The following RC3H2 variants were observed in gnomAD, a reference collection of about 807,000 sequenced individuals.
The protein encoded by RC3H2 is roquin-2.
RC3H2 carries 31 observed loss-of-function variants against 133.3 expected under a neutral mutation model. The observed-to-expected ratio is 0.23, with a 90% CI of 0.17 to 0.31. RC3H2 has a LOEUF of 0.31. RC3H2 is among the 10% of genes least tolerant of loss of function. The probability of loss-of-function intolerance (pLI) is 1.00; values close to 1 mark genes in which losing one functional copy is unlikely to be tolerated. For missense variants in RC3H2, 1,175 were observed against 1,437.2 expected (o/e 0.82, Z 2.95); for synonymous variants, 517 against 502.2 (o/e 1.03, Z -0.40).
intron 9 of RC3H2, among the ~76,000 whole-genome samples, chr9:122,869,423 T>C (rs1276835039): frequency 1.3e-5 from 2 of 152,142 alleles, no homozygotes; most frequent in Non-Finnish European, 2.9e-5. Flanking sequence ...ATTCAGTCCT[T>C]CTCTTCTCCT....
chr9:122,879,937 G>A lies in RC3H2; in HGVS notation c.1093+56C>T, dbSNP rs1831538126. 7 of 1,611,062 alleles carry A rather than the reference G, an allele frequency of 4.3e-6. No individual in the cohort carries two copies. In the East Asian group the frequency reaches 1.1e-4, roughly 26 times the overall value. On this transcript the variant is annotated intron_variant, in intron 7 of 20. Transcript: ENST00000357244. ...AGAATGTTAGCAGTAATTCTCTTGT[G>A]TTATTCACCTCAAAAGTAGAAAAAA...
rs765370546 is a variant in RC3H2 at position 122,858,888 on chromosome 9, A to C, written c.2064T>G (p.Ser688=). 9 of 1,614,282 alleles carry C rather than the reference A, an allele frequency of 5.6e-6. No individual in the cohort carries two copies. Among genetic ancestry groups the C allele is most frequent in the Non-Finnish European group, 6.8e-6 (8 of 1,180,050 alleles). The change falls in exon 12 of 21, where the codon TCT becomes TCG. Residue 688 remains serine (S), a synonymous_variant. Coordinates refer to ENST00000357244, the MANE Select transcript of RC3H2 (RefSeq NM_001100588.3). ...QPYGPVPPVP[S]GMYAPVYDSR... ...TGTCGTACACAGGAGCATACATTCCAGAAGGTACTGGAGGAACTGGTCCAT... is the reference window on the plus strand; with the variant it reads ...TGTCGTACACAGGAGCATACATTCCCGAAGGTACTGGAGGAACTGGTCCAT...
chr9:122,860,696 C>G (rs1346138421), intron 10 of RC3H2, among the ~76,000 whole-genome samples: 1 of 151,840 alleles, frequency 6.6e-6, no homozygotes, highest in Non-Finnish European at 1.5e-5. Flanking sequence ...TTACAGGCAT[C>G]AGCCACCGTG....
At position 122,877,362 on chromosome 9, in the gene RC3H2, AG is replaced by A. The variant is rs1230950182; in HGVS notation, c.1325+108del. ...ACTACAGGCATGAGCTATGGTGCCCAGCCCTTAACTTGCATTTTTGAAAGTC... is the reference window on the plus strand; with the variant it reads ...ACTACAGGCATGAGCTATGGTGCCCACCCTTAACTTGCATTTTTGAAAGTC... On this transcript the variant is annotated intron_variant, in intron 9 of 20. Coordinates refer to ENST00000357244, the MANE Select transcript of RC3H2 (RefSeq NM_001100588.3). 17 of 815,438 alleles carry A rather than the reference AG, an allele frequency of 2.1e-5. No homozygotes were observed. The East Asian group carries it at 3.9e-4, about 19-fold the overall frequency. The allele number at this position is 815,438 out of a possible 1,614,324, so 50.5% of individuals were successfully genotyped here.
chr9:122,861,289 G>A (rs544113343), intron 10 of RC3H2, among the ~76,000 whole-genome samples: 8 of 151,844 alleles, frequency 5.3e-5, no homozygotes, highest in Non-Finnish European at 8.8e-5. Context: ...TTGGGAGTTC[G>A]CGACCAGCCT....
At chr9:122,886,904 G>A (rs930601443) in intron 4 of RC3H2, among the ~76,000 whole-genome samples, 1 of 152,198 alleles carries the variant, frequency 6.6e-6, no homozygotes, top group African/African-American at 2.4e-5. Context: ...CAAAAGAGAT[G>A]TGACACCTAG....
rs916512222 is a variant in RC3H2 at position 122,877,390 on chromosome 9, T to A, written c.1325+81A>T. ...CCTTAACTTGCATTTTTGAAAGTCATCACAAACTTCAGGACTGTATATAAC... is the reference window on the plus strand; with the variant it reads ...CCTTAACTTGCATTTTTGAAAGTCAACACAAACTTCAGGACTGTATATAAC... On this transcript the variant is annotated intron_variant, in intron 9 of 20. Coordinates refer to ENST00000357244, the MANE Select transcript of RC3H2 (RefSeq NM_001100588.3). 2.4e-5 allele frequency: 26 copies of A among 1,104,856 alleles called. 1 individual carries two copies. The South Asian group carries it at 3.2e-4, about 14-fold the overall frequency. 68.4% of individuals were successfully genotyped at this position (1,104,856 alleles called of 1,614,324 possible).
chr9:122,891,545 C>A (rs1482206284), intron 3 of RC3H2, among the ~76,000 whole-genome samples: 2 of 152,178 alleles, frequency 1.3e-5, no homozygotes, highest in Non-Finnish European at 2.9e-5. Context: ...TTAGTTAATT[C>A]TTAGTTCCTT....
In RC3H2 at chr9:122,848,473, A is replaced by G. The variant is rs551996997; in HGVS notation, c.*1154T>C. The G allele has an allele frequency of 1.3e-5, 2 of 152,316 alleles. No homozygotes were observed. Among genetic ancestry groups the G allele is most frequent in the Non-Finnish European group, 2.9e-5 (2 of 68,012 alleles). The allele number at this position is 152,316 out of a possible 1,614,324, so 9.4% of individuals were successfully genotyped here. A position where few individuals can be genotyped will look rare whatever the true frequency, so the allele number is the denominator to read the frequency against. On this transcript the variant is annotated 3_prime_UTR_variant, in exon 21 of 21. Coordinates refer to ENST00000357244, the MANE Select transcript of RC3H2 (RefSeq NM_001100588.3). Reference sequence around the variant, plus strand: ...AAACCATTTCAGTCACATTTTAGCAAGGCAGAAATTATTCATGTTCTTAAG... The same window carrying G: ...AAACCATTTCAGTCACATTTTAGCAGGGCAGAAATTATTCATGTTCTTAAG...
At position 122,858,101 on chromosome 9, in the gene RC3H2, G is replaced by C. The variant is rs939046647; in HGVS notation, c.2284-8C>G. The C allele has an allele frequency of 6.2e-7, 1 of 1,612,522 alleles. No individual in the cohort carries two copies. Among genetic ancestry groups the C allele is most frequent in the South Asian group, 1.1e-5 (1 of 90,820 alleles). ...CAAATGACCACAAGGTTCCTAATGG[G>C]GGATAAAAGAAACAATCTTAATCAT... On this transcript the variant is annotated splice_region_variant and splice_polypyrimidine_tract_variant and intron_variant, in intron 12 of 20. Transcript: ENST00000357244.
intron 5 of RC3H2, 100 bp from the exon 6 acceptor site, chr9:122,880,894 A>G (rs972597998): frequency 3.9e-6 from 3 of 771,658 alleles, no homozygotes; most frequent in Non-Finnish European, 6.6e-6. Flanking sequence ...ATACTTACAT[A>G]TCAGACACCA....
rs776310057 is a variant in RC3H2, at chr9:122,858,815, T to G, written c.2137A>C (p.Arg713=). ...TCCATTGGAGGTAAAGAATTGCTTC[T>G]AATAATGTCATCTCGTTGGTACATA... ...PPMYQRDDII[R]SNSLPPMDVM... The change falls in exon 12 of 21, where the codon AGA becomes CGA. Residue 713 remains arginine, a synonymous_variant. Coordinates refer to ENST00000357244, the MANE Select transcript of RC3H2 (RefSeq NM_001100588.3). 1.2e-6 allele frequency: 2 copies of G among 1,614,280 alleles called. No homozygotes were observed. The highest frequency in any genetic ancestry group is 3.3e-5 in the Admixed American group (2 of 60,034).
At chr9:122,855,460 T>C (rs1231335415) in intron 14 of RC3H2, 63 bp from the exon 15 acceptor site, 70 of 1,444,662 alleles carry the variant, frequency 4.8e-5, no homozygotes, top group Non-Finnish European at 6.2e-5. Flanking sequence ...AGTAAATATA[T>C]GCTATCAAAA....
intron 1 of RC3H2, 187 bp from the exon 2 acceptor site, chr9:122,897,763 A>G: frequency 2.1e-6 from 1 of 466,226 alleles, no homozygotes; most frequent in Non-Finnish European, 3.8e-6. Context: ...GCCTGGAAAC[A>G]ATACCTTAAT....
rs368828068 is a variant in RC3H2 at position 122,857,930 on chromosome 9, C to T, written c.2447G>A (p.Arg816His). 7.4e-6 allele frequency: 12 copies of T among 1,612,430 alleles called. No homozygotes were observed. The highest frequency in any genetic ancestry group is 6.7e-5 in the Admixed American group (4 of 59,604). ...PPSPLFSVDF[R>H]ADFSESVSGT... ...AATTAAAACCTTTCTTACATCCGCA[C>T]GAAAGTCTACACTGAACAGAGGAGA... Residue 816 changes from arginine (R) to histidine (H), a missense_variant, in exon 13 of 21, where the codon CGT becomes CAT. Physicochemically the swap from Arg to His is conservative, Grantham distance 29 (BLOSUM62 0). Around this residue, in one of 8 missense-constraint regions of RC3H2, gnomAD observed 490 missense variants for 492.8 expected, o/e 0.99. Coordinates refer to ENST00000357244, the MANE Select transcript of RC3H2 (RefSeq NM_001100588.3).
intron 11 of RC3H2, 139 bp downstream of exon 11, chr9:122,859,778 T>C (rs1334690453): frequency 7.0e-6 from 5 of 712,806 alleles, no homozygotes; most frequent in Non-Finnish European, 1.2e-5. Context: ...GCACAGATCC[T>C]TGGGGAAGGA....
intron 13 of RC3H2, among the ~76,000 whole-genome samples, chr9:122,856,188 G>GT (rs985155121): frequency 1.6e-4 from 25 of 151,948 alleles, no homozygotes; most frequent in African/African-American, 6.0e-4. Context: ...AAAAAAAAAA[G>GT]TAAGAGAAAA....
At chr9:122,868,847 G>A (rs1830898685) in intron 9 of RC3H2, among the ~76,000 whole-genome samples, 1 of 2,198 alleles carries the variant, frequency 4.5e-4, no homozygotes, top group East Asian at 3.0e-3. Flanking sequence ...ATATGTGTGT[G>A]TGTGTGTGTG....
chr9:122,847,674 A>G lies in RC3H2; in HGVS notation c.*1953T>C, dbSNP rs1001713927. Reference sequence around the variant, plus strand: ...CAGAAAAGTTAATGTAACATGGTTTAAAACCCTTGTTCCTATTCATTTCAG... The same window carrying G: ...CAGAAAAGTTAATGTAACATGGTTTGAAACCCTTGTTCCTATTCATTTCAG... On this transcript the variant is annotated 3_prime_UTR_variant, in exon 21 of 21. Coordinates refer to ENST00000357244, the MANE Select transcript of RC3H2 (RefSeq NM_001100588.3). The G allele has an allele frequency of 5.9e-5, 9 of 152,128 alleles. No homozygotes were observed. The highest frequency in any genetic ancestry group is 2.2e-4 in the African/African-American group (9 of 41,446). 9.4% of individuals were successfully genotyped at this position (152,128 alleles called of 1,614,324 possible).
Sources: gnomAD v4.1 joint callset for allele counts (sites outside exome capture counted in the v4.1 genomes callset) on GRCh38, gnomAD v4.1.1 for gene constraint, gnomAD v4.1.1 regional missense constraint, MANE v1.5 for transcripts, NCBI Gene and HGNC (gene_info 2026-07-23, HGNC 2026-07-21) for gene names.